Variants in MYO18A observed in about 807,000 individuals in gnomAD.
MYO18A encodes the protein unconventional myosin-XVIIIa.
MYO18A carries 78 observed loss-of-function variants against 235.8 expected under a neutral mutation model. The ratio of observed to expected loss-of-function variants is 0.33; its 90% CI spans 0.28 to 0.40. The LOEUF is 0.40. Ranked by LOEUF, MYO18A falls within the 10% of genes least tolerant of loss-of-function variation. MYO18A has a pLI of 1.00. For synonymous variants in MYO18A, 977 were observed against 1,077.8 expected, an observed-to-expected ratio of 0.91 and a Z score of 1.83; for missense variants, 2,215 against 2,699.3, an observed-to-expected ratio of 0.82 and a Z score of 3.98.
At chr17:29,133,741 C>G (rs1394487121) in intron 2 of MYO18A, 13 of 1,224,112 alleles carry the variant, frequency 1.1e-5, no homozygotes, top group Non-Finnish European at 1.2e-5. Flanking sequence ...CTCCTGCCTG[C>G]AGATACAACA....
intron 1 of MYO18A, 29 bp from the exon 2 acceptor site, chr17:29,167,050 G>C: frequency 7.0e-7 from 1 of 1,421,076 alleles, no homozygotes; most frequent in Non-Finnish European, 9.2e-7. Context: ...AGAGAGAAAG[G>C]TTATTCGAAC....
rs2152926957 is a variant in MYO18A, at chr17:29,140,969, C to A, written c.1000-18716G>T. Among the ~76,000 whole-genome samples, 1 of 152,352 alleles carries A rather than the reference C, an allele frequency of 6.6e-6. No individual in the cohort carries two copies. The highest frequency in any genetic ancestry group is 2.1e-4 in the South Asian group (1 of 4,830). ...CACACGGGGCCCACTGCACACTGTG[C>A]CCAAACAGCAGCCGCAAAGCAGTCC... On this transcript the variant is annotated intron_variant, in intron 2 of 41. Transcript: ENST00000527372. The surrounding 1 kb of genome is among the most constrained non-coding windows in gnomAD (Gnocchi z 4.2).
intron 8 of MYO18A, 139 bp downstream of exon 8, chr17:29,119,196 A>C: frequency 1.6e-6 from 1 of 621,052 alleles, no homozygotes; most frequent in East Asian, 2.9e-5. Flanking sequence ...CTCAGAGCCT[A>C]GCACATAGCA....
At chr17:29,175,444 C>G (rs1170906427) in intron 1 of MYO18A, among the ~76,000 whole-genome samples, 2 of 150,838 alleles carry the variant, frequency 1.3e-5, no homozygotes, top group Non-Finnish European at 2.9e-5. Context: ...TCACTGCAGC[C>G]TCAACCTCCT....
At chr17:29,093,884 G>T in intron 31 of MYO18A, 96 bp downstream of exon 31, 5 of 833,840 alleles carry the variant, frequency 6.0e-6, no homozygotes, top group South Asian at 3.3e-5. Context: ...AATGGAAGAC[G>T]ATGTGGCTGA....
In MYO18A at chr17:29,111,449, G is replaced by A; in HGVS notation, c.2875C>T (p.Pro959Ser). 1.9e-6 allele frequency: 3 copies of A among 1,612,454 alleles called. No homozygotes were observed. In the African/African-American group the frequency reaches 4.0e-5, roughly 21 times the overall value. ...TTCTGGGAGTCCTGCAGGAGCCGGGGGGCATTCTGGGTGGCTGGGTTCTGC... is the reference window on the plus strand; with the variant it reads ...TTCTGGGAGTCCTGCAGGAGCCGGGAGGCATTCTGGGTGGCTGGGTTCTGC... ...TKQNPATQNA[P>S]RLLQDSQKKI... Residue 959 changes from proline (P) to serine (S), a missense_variant, in exon 17 of 42, where the codon CCC becomes TCC. By Grantham distance (74) the Pro-to-Ser change is moderately conservative. Coordinates refer to ENST00000527372, the MANE Select transcript of MYO18A (RefSeq NM_078471.4). The surrounding 1 kb of genome is among the most constrained non-coding windows in gnomAD (Gnocchi z 5.1).
chr17:29,171,378 A>G (rs1248151596), intron 1 of MYO18A, among the ~76,000 whole-genome samples: 1 of 152,158 alleles, frequency 6.6e-6, no homozygotes, highest in Non-Finnish European at 1.5e-5. Flanking sequence ...CGGAGGTTGC[A>G]GTGAGCCAAG....
intron 2 of MYO18A, among the ~76,000 whole-genome samples, chr17:29,162,605 G>A (rs1269746449): frequency 6.6e-6 from 1 of 152,168 alleles, no homozygotes; most frequent in Non-Finnish European, 1.5e-5. Context: ...CTTCTCAGAG[G>A]GTACTGTCAT....
At chr17:29,139,629 G>C (rs1482362897) in intron 2 of MYO18A, among the ~76,000 whole-genome samples, 4 of 152,216 alleles carry the variant, frequency 2.6e-5, no homozygotes, top group Admixed American at 1.3e-4. Context: ...GGGAGGGGTA[G>C]AGTCAGGGGA....
Position 29,111,751 on chromosome 17 carries a change from T to C in MYO18A, c.2711A>G (p.Tyr904Cys), listed in dbSNP as rs769151303. The C allele has an allele frequency of 8.7e-6, 14 of 1,613,548 alleles. No homozygotes were observed. Among genetic ancestry groups the C allele is most frequent in the Non-Finnish European group, 1.2e-5 (14 of 1,179,772 alleles). ...TTTGTCACCTTCCTGGGGGCCATAA[T>C]AGGAGAAAAGGCGCTCCAGGAGGGT... ...EDTLLERLFSYYGPQEGDKKG... is the reference protein window; with the variant it reads ...EDTLLERLFSCYGPQEGDKKG... The change falls in exon 16 of 42, where the codon TAT becomes TGT. Residue 904 changes from tyrosine (Y) to cysteine (C), a missense_variant. By Grantham distance (194) the Tyr-to-Cys change is radical. Transcript: ENST00000527372. This position sits in a 1 kb window ranked among gnomAD's most constrained non-coding sequence, Gnocchi z 5.1.
chr17:29,104,531 GGGTAGAGAAGTCCA>G (rs1280517367), intron 20 of MYO18A, among the ~76,000 whole-genome samples: 1 of 152,154 alleles, frequency 6.6e-6, no homozygotes, highest in Non-Finnish European at 1.5e-5. Context: ...ATAAGGGGTA[GGGTAGAGAAGTCCA>G]GGAGGCAGCC....
chr17:29,116,513 GT>G, intron 10 of MYO18A, 58 bp from the exon 11 acceptor site: 1 of 1,611,162 alleles, frequency 6.2e-7, no homozygotes, highest in South Asian at 1.1e-5. Context: ...TTAGCAAACA[GT>G]CATCAATAGA....
At chr17:29,114,223 C>T (rs2067003575) in intron 14 of MYO18A, 126 bp from the exon 15 acceptor site, 3 of 661,272 alleles carry the variant, frequency 4.5e-6, no homozygotes, top group East Asian at 5.6e-5. Context: ...GCAGGAGCTC[C>T]CTCCATCATC....
At position 29,073,696 on chromosome 17, in the gene MYO18A, G is replaced by T. The variant is rs1404563234; in HGVS notation, c.*1074C>A. On this transcript the variant is annotated 3_prime_UTR_variant, in exon 42 of 42. Coordinates refer to ENST00000527372, the MANE Select transcript of MYO18A (RefSeq NM_078471.4). ...CAGGGATAACCTTTTTAGGGTGGGGGCTGGGACCTCCAGACCACATGGTGT... is the reference window on the plus strand; with the variant it reads ...CAGGGATAACCTTTTTAGGGTGGGGTCTGGGACCTCCAGACCACATGGTGT... 2 of 791,592 alleles carry T rather than the reference G, an allele frequency of 2.5e-6. No individual in the cohort carries two copies. Among genetic ancestry groups the T allele is most frequent in the Non-Finnish European group, 4.0e-6 (2 of 496,958 alleles). 49.0% of individuals were successfully genotyped at this position (791,592 alleles called of 1,614,324 possible).
rs1330486522 is a variant in MYO18A, at chr17:29,117,679, A to G, written c.2038+366T>C. Among the ~76,000 whole-genome samples the G allele has an allele frequency of 5.9e-5, 9 of 152,148 alleles. No individual in the cohort carries two copies. Among genetic ancestry groups the G allele is most frequent in the Non-Finnish European group, 1.2e-4 (8 of 68,012 alleles). ...GCCCCTATACCCAAGGGCGGGGCCAAGGTCAGTTACCCGCTTGCTCCTCGG... is the reference window on the plus strand; with the variant it reads ...GCCCCTATACCCAAGGGCGGGGCCAGGGTCAGTTACCCGCTTGCTCCTCGG... On this transcript the variant is annotated intron_variant, in intron 10 of 41. Transcript: ENST00000527372. The surrounding 1 kb of genome is among the most constrained non-coding windows in gnomAD (Gnocchi z 4.6).
At position 29,125,769 on chromosome 17, in the gene MYO18A, G is replaced by C; in HGVS notation, c.1000-3516C>G. On this transcript the variant is annotated intron_variant, in intron 2 of 41. Transcript: ENST00000527372. The surrounding 1 kb of genome is among the most constrained non-coding windows in gnomAD (Gnocchi z 5.1). ...CTTTAAGAGAGAGCCCAACATGAGG[G>C]CCCACAGGCCGCCATGGAGCCATCT... is the stretch of plus-strand genomic sequence containing the variant. 6 of 278,760 alleles carry C rather than the reference G, an allele frequency of 2.2e-5. No individual in the cohort carries two copies. Among genetic ancestry groups the C allele is most frequent in the Non-Finnish European group, 3.3e-5 (6 of 182,988 alleles). The allele number at this position is 278,760 out of a possible 1,614,324, so 17.3% of individuals were successfully genotyped here.
Position 29,099,053 on chromosome 17 carries a change from A to G in MYO18A, c.3637-84T>C. The G allele has an allele frequency of 2.6e-6, 4 of 1,552,406 alleles. No individual in the cohort carries two copies. In the South Asian group the frequency reaches 4.6e-5, roughly 18 times the overall value. On this transcript the variant is annotated intron_variant, in intron 22 of 41. Coordinates refer to ENST00000527372, the MANE Select transcript of MYO18A (RefSeq NM_078471.4). The stretch of plus-strand genomic sequence containing the variant: ...GCCCAGGATCCTCCCCACCACCAGC[A>G]CAGGCCCCCAGGGCTGCTCCTCTGG...
intron 40 of MYO18A, among the ~76,000 whole-genome samples, chr17:29,083,532 GCACACACACACACACACACACA>G (rs57491599): frequency 6.9e-6 from 1 of 144,664 alleles, no homozygotes; most frequent in South Asian, 2.2e-4. Flanking sequence ...GCGCGCGCGC[GCACACACACACACACACACACA>G]CACACGAAAC....
At chr17:29,110,690 C>T (rs1197001750) in intron 17 of MYO18A, 68 bp from the exon 18 acceptor site, 28 of 1,488,070 alleles carry the variant, frequency 1.9e-5, no homozygotes, top group Middle Eastern at 1.8e-4. Flanking sequence ...GCCGCTCCTC[C>T]CCCAAGGCCC....
Sources: gnomAD v4.1 joint callset for allele counts (sites outside exome capture counted in the v4.1 genomes callset) on GRCh38, gnomAD v4.1.1 for gene constraint, Gnocchi (gnomAD v3.1) non-coding constraint, MANE v1.5 for transcripts, NCBI Gene and HGNC (gene_info 2026-07-23, HGNC 2026-07-21) for gene names.